KIFAP3: variants seen among roughly 807,000 people sequenced by gnomAD.
The protein encoded by KIFAP3 is kinesin-associated protein 3.
In KIFAP3, 68 loss-of-function variants were observed where a neutral mutation model predicts 106.5. That is an observed-to-expected ratio of 0.64 (90% CI 0.53 to 0.78). The LOEUF (loss-of-function observed/expected upper bound fraction) is 0.78, where lower values mean the gene tolerates loss of function less well. KIFAP3 is among the 30% of genes least tolerant of loss of function. The pLI is 0.00. For missense variants in KIFAP3, 780 were observed against 941.8 expected, an observed-to-expected ratio of 0.83 and a Z score of 2.25; for synonymous variants, 320 against 311.5, an observed-to-expected ratio of 1.03 and a Z score of -0.29.
intron 2 of KIFAP3, among the ~76,000 whole-genome samples, chr1:170,054,067 T>C (rs1301362498): frequency 1.3e-5 from 2 of 152,098 alleles, no homozygotes; most frequent in African/African-American, 2.4e-5. Context: ...ACCTACAGAA[T>C]GGGAGAAAAT....
intron 8 of KIFAP3, among the ~76,000 whole-genome samples, chr1:170,028,306 T>C (rs1299708903): frequency 6.6e-6 from 1 of 152,082 alleles, no homozygotes; most frequent in Non-Finnish European, 1.5e-5. Flanking sequence ...GTATATAAAA[T>C]GATAATGTGT....
intron 19 of KIFAP3, among the ~76,000 whole-genome samples, chr1:169,950,637 A>G (rs1664680821): frequency 6.6e-6 from 1 of 152,112 alleles, no homozygotes; most frequent in African/African-American, 2.4e-5. Context: ...TTGTCCATTA[A>G]GTCTGCTTAT....
At chr1:170,054,260 CATTAGAA>C (rs1670728559) in intron 2 of KIFAP3, among the ~76,000 whole-genome samples, 1 of 152,080 alleles carries the variant, frequency 6.6e-6, no homozygotes, top group Non-Finnish European at 1.5e-5. Flanking sequence ...CATCATCGGT[CATTAGAA>C]AAATGCAAAT....
chr1:170,055,514 A>G, intron 1 of KIFAP3, 78 bp from the exon 2 acceptor site: 1 of 1,187,218 alleles, frequency 8.4e-7, no homozygotes, highest in Non-Finnish European at 1.2e-6. Flanking sequence ...TTTTAGGTCT[A>G]TAACGTGGGT....
At chr1:170,038,052 A>G (rs1344618462) in intron 5 of KIFAP3, among the ~76,000 whole-genome samples, 1 of 152,204 alleles carries the variant, frequency 6.6e-6, no homozygotes, top group Admixed American at 6.5e-5. Flanking sequence ...TTGAAACAAT[A>G]AAAAAGCTTC....
intron 19 of KIFAP3, among the ~76,000 whole-genome samples, chr1:169,952,514 A>G (rs1243515101): frequency 6.6e-6 from 1 of 152,068 alleles, no homozygotes; most frequent in Non-Finnish European, 1.5e-5. Context: ...TGTATGCATT[A>G]AGTTCAAATA....
chr1:169,943,977 TCTA>T (rs1485570201), intron 19 of KIFAP3, among the ~76,000 whole-genome samples: 4 of 152,242 alleles, frequency 2.6e-5, no homozygotes, highest in Admixed American at 1.3e-4. Flanking sequence ...CTGAATTTCT[TCTA>T]CTAAGTCAAA....
intron 9 of KIFAP3, among the ~76,000 whole-genome samples, chr1:170,020,039 A>C (rs999886398): frequency 6.6e-6 from 1 of 152,234 alleles, no homozygotes; most frequent in African/African-American, 2.4e-5. Flanking sequence ...AATATCAACC[A>C]AAACCAGGAA....
At chr1:170,032,040 T>A in intron 7 of KIFAP3, 56 bp from the exon 8 acceptor site, 1 of 965,200 alleles carries the variant, frequency 1.0e-6, no homozygotes, top group Non-Finnish European at 1.6e-6. Flanking sequence ...AATCTACTGA[T>A]AAATTCTATG....
intron 11 of KIFAP3, among the ~76,000 whole-genome samples, chr1:169,987,895 G>C (rs1473401495): frequency 1.3e-5 from 2 of 151,978 alleles, no homozygotes; most frequent in Admixed American, 6.6e-5. Flanking sequence ...ACAATGAACT[G>C]TTAATGTGTA....
intron 7 of KIFAP3, 48 bp from the exon 8 acceptor site, chr1:170,032,032 T>C: frequency 9.7e-7 from 1 of 1,034,546 alleles, no homozygotes. Flanking sequence ...GCAAAAAAAA[T>C]CTACTGATAA....
At chr1:170,024,868 C>T (rs539653043) in intron 8 of KIFAP3, among the ~76,000 whole-genome samples, 25 of 152,044 alleles carry the variant, frequency 1.6e-4, no homozygotes, top group African/African-American at 4.6e-4. Context: ...AATAAAACAA[C>T]GATTCCTGCC....
At chr1:170,061,541 A>G (rs1671155072) in intron 1 of KIFAP3, among the ~76,000 whole-genome samples, 1 of 152,234 alleles carries the variant, frequency 6.6e-6, no homozygotes, top group African/African-American at 2.4e-5. Flanking sequence ...GTGGAGAAAT[A>G]GGAACAGTTT....
At chr1:170,046,409 T>C (rs1571725746) in intron 3 of KIFAP3, among the ~76,000 whole-genome samples, 1 of 152,168 alleles carries the variant, frequency 6.6e-6, no homozygotes, top group Non-Finnish European at 1.5e-5. Context: ...AAGTCTCTCC[T>C]TTGATTATTC....
chr1:169,978,462 A>T (rs1162342459), intron 15 of KIFAP3, among the ~76,000 whole-genome samples: 3 of 152,020 alleles, frequency 2.0e-5, no homozygotes, highest in Non-Finnish European at 4.4e-5. Flanking sequence ...AATAATTCTT[A>T]AAAATTATTA....
intron 17 of KIFAP3, among the ~76,000 whole-genome samples, chr1:169,965,798 G>C (rs1259400002): frequency 2.0e-5 from 3 of 151,884 alleles, no homozygotes; most frequent in African/African-American, 4.8e-5. Flanking sequence ...AGTTTAAAAA[G>C]AGATTATCAA....
intron 10 of KIFAP3, among the ~76,000 whole-genome samples, chr1:170,014,533 T>A (rs548034779): frequency 6.6e-6 from 1 of 152,314 alleles, no homozygotes; most frequent in Admixed American, 6.5e-5. Context: ...AAATGAAATC[T>A]TATCTATAAA....
intron 19 of KIFAP3, among the ~76,000 whole-genome samples, chr1:169,930,210 T>C (rs1044695538): frequency 5.3e-5 from 8 of 152,230 alleles, no homozygotes; most frequent in Non-Finnish European, 1.0e-4. Context: ...TATTACATTT[T>C]ATATAGTCTA....
At chr1:170,005,100 T>C (rs1667878288) in intron 10 of KIFAP3, among the ~76,000 whole-genome samples, 1 of 151,336 alleles carries the variant, frequency 6.6e-6, no homozygotes, top group African/African-American at 2.4e-5. Flanking sequence ...AAAAAACACA[T>C]GAAAAAATGC....
Sources: gnomAD v4.1 joint callset for allele counts (sites outside exome capture counted in the v4.1 genomes callset) on GRCh38, gnomAD v4.1.1 for gene constraint, MANE v1.5 for transcripts, NCBI Gene and HGNC (gene_info 2026-07-23, HGNC 2026-07-21) for gene names.